LDLRAD4: variants seen among roughly 807,000 people sequenced by gnomAD.
The protein encoded by LDLRAD4 is low-density lipoprotein receptor class A domain-containing protein 4.
A neutral mutation model predicts 17.0 loss-of-function variants in LDLRAD4; 5 were observed. The observed-to-expected ratio is 0.29, with a 90% CI of 0.15 to 0.62. The LOEUF (loss-of-function observed/expected upper bound fraction) is 0.62, where lower values mean the gene tolerates loss of function less well. Ranked by LOEUF, LDLRAD4 falls within the 20% of genes least tolerant of loss-of-function variation. The probability of loss-of-function intolerance (pLI) is 0.84; values close to 1 mark genes in which losing one functional copy is unlikely to be tolerated. For synonymous variants in LDLRAD4, 168 were observed against 171.8 expected, an observed-to-expected ratio of 0.98 and a Z score of 0.17; for missense variants, 340 against 424.7, an observed-to-expected ratio of 0.80 and a Z score of 1.75.
Position 13,621,040 on chromosome 18 carries a change from G to T in LDLRAD4, c.182-77G>T, listed in dbSNP as rs557416853. The T allele has an allele frequency of 1.2e-6, 2 of 1,604,872 alleles. No homozygotes were observed. Among genetic ancestry groups the T allele is most frequent in the East Asian group, 4.5e-5 (2 of 44,798 alleles). On this transcript the variant is annotated intron_variant, in intron 3 of 5. Coordinates refer to ENST00000359446, the Ensembl canonical transcript of LDLRAD4. The surrounding 1 kb of genome is among the most constrained non-coding windows in gnomAD (Gnocchi z 5.5). Reference sequence around the variant, plus strand: ...GAGAGGCCTTCAGGGCCTGATGGCTGGGGTGGTGACAGTGCCTGGAGAATG... The same window carrying T: ...GAGAGGCCTTCAGGGCCTGATGGCTTGGGTGGTGACAGTGCCTGGAGAATG...
At chr18:13,355,522 G>A (rs998638575) in intron 1 of LDLRAD4, among the ~76,000 whole-genome samples, 5 of 152,142 alleles carry the variant, frequency 3.3e-5, no homozygotes, top group Non-Finnish European at 5.9e-5. Context: ...TTTCCAGAAG[G>A]GCAAATGCCT....
intron 4 of LDLRAD4, among the ~76,000 whole-genome samples, chr18:13,631,569 C>T (rs1255515863): frequency 2.0e-5 from 3 of 152,144 alleles, no homozygotes; most frequent in African/African-American, 7.2e-5. Flanking sequence ...ACTAATATTT[C>T]TTATAAATAT....
At chr18:13,314,867 A>G (rs1004553689) in intron 1 of LDLRAD4, among the ~76,000 whole-genome samples, 7 of 152,212 alleles carry the variant, frequency 4.6e-5, no homozygotes, top group African/African-American at 1.7e-4. Context: ...GTTAGCTCAG[A>G]GGCTATGAGA....
At chr18:13,526,427 G>A (rs1286478989) in intron 3 of LDLRAD4, 2 of 152,216 alleles carry the variant, frequency 1.3e-5, no homozygotes, top group African/African-American at 2.4e-5. Flanking sequence ...GGGAAATGAA[G>A]TTAGCTCCAA....
At chr18:13,496,353 A>G (rs1220427448) in intron 3 of LDLRAD4, among the ~76,000 whole-genome samples, 1 of 152,198 alleles carries the variant, frequency 6.6e-6, no homozygotes, top group African/African-American at 2.4e-5. Flanking sequence ...GGGGTGGATT[A>G]GATGACCCCA....
chr18:13,304,221 T>A (rs1343236932), intron 1 of LDLRAD4, among the ~76,000 whole-genome samples: 1 of 152,142 alleles, frequency 6.6e-6, no homozygotes, highest in East Asian at 1.9e-4. Context: ...CCTTAGATAT[T>A]CCTAGAGGTC....
chr18:13,633,757 C>T (rs1303827823), intron 4 of LDLRAD4, among the ~76,000 whole-genome samples: 1 of 152,188 alleles, frequency 6.6e-6, no homozygotes, highest in Non-Finnish European at 1.5e-5. Context: ...GGGCAGGGGA[C>T]TTCGCTAGGA....
chr18:13,308,316 C>G (rs1408734317), intron 1 of LDLRAD4, among the ~76,000 whole-genome samples: 5 of 152,172 alleles, frequency 3.3e-5, no homozygotes, highest in Non-Finnish European at 5.9e-5. Flanking sequence ...ATTGATGAAC[C>G]TTTGACTTAA....
In LDLRAD4 at chr18:13,621,985, C is replaced by T. The variant is rs567281240; in HGVS notation, c.336+714C>T. 6.6e-6 allele frequency among the ~76,000 whole-genome samples: 1 copy of T among 152,190 alleles called. No individual in the cohort carries two copies. The highest frequency in any genetic ancestry group is 2.4e-5 in the African/African-American group (1 of 41,460). ...TACAGGCTGTGGTTTTGATGGCTTC[C>T]AGCCAGAGGGTTAGGAGCGGTGAGT... On this transcript the variant is annotated intron_variant, in intron 4 of 5. Coordinates refer to ENST00000359446, the Ensembl canonical transcript of LDLRAD4. This position sits in a 1 kb window ranked among gnomAD's most constrained non-coding sequence, Gnocchi z 5.5.
chr18:13,627,947 C>T (rs2041320866), intron 4 of LDLRAD4, among the ~76,000 whole-genome samples: 2 of 152,186 alleles, frequency 1.3e-5, no homozygotes, highest in Non-Finnish European at 2.9e-5. Flanking sequence ...CCATATGTGA[C>T]GAGTGCCTTT....
chr18:13,324,245 C>T (rs1334137566), intron 1 of LDLRAD4, among the ~76,000 whole-genome samples: 2 of 151,298 alleles, frequency 1.3e-5, no homozygotes, highest in East Asian at 4.0e-4. Flanking sequence ...TCACACCATT[C>T]TCCTGCCTCA....
chr18:13,394,181 C>A (rs559143306), intron 2 of LDLRAD4, among the ~76,000 whole-genome samples: 2 of 152,322 alleles, frequency 1.3e-5, no homozygotes, highest in Admixed American at 1.3e-4. Context: ...CAGTTATAAA[C>A]CTAACCTTAA....
rs553191070 is a variant in LDLRAD4 at position 13,608,148 on chromosome 18, A to G, written c.182-12969A>G. Among the ~76,000 whole-genome samples the G allele has an allele frequency of 2.8e-3, 227 of 80,390 alleles. 1 individual carries two copies. Among genetic ancestry groups the G allele is most frequent in the African/African-American group, 8.7e-3 (221 of 25,310 alleles). 52.7% of individuals were successfully genotyped at this position (80,390 alleles called of 152,430 possible). On this transcript the variant is annotated intron_variant, in intron 3 of 5. Transcript: ENST00000359446. ...TCAAAAGAAGACATTTATGCAGCCA[A>G]CAAACATATGAAAAAAAAAAAAAGC...
exon 2 of LDLRAD4, chr18:13,387,499 C>T: frequency 2.1e-6 from 1 of 487,790 alleles, no homozygotes; most frequent in Admixed American, 4.0e-5. Flanking sequence ...CGCGCCCTGG[C>T]TGGACGGCTG....
chr18:13,257,973 C>T (rs1176450073), intron 1 of LDLRAD4, among the ~76,000 whole-genome samples: 1 of 152,156 alleles, frequency 6.6e-6, no homozygotes, highest in Admixed American at 6.5e-5. Flanking sequence ...GCAGAAGGAT[C>T]GCTTGAGCCG....
chr18:13,569,701 T>C (rs1268362494), intron 3 of LDLRAD4, among the ~76,000 whole-genome samples: 3 of 152,166 alleles, frequency 2.0e-5, no homozygotes, highest in Non-Finnish European at 2.9e-5. Flanking sequence ...CTGACCAACA[T>C]GGTGAAACCC....
intron 1 of LDLRAD4, among the ~76,000 whole-genome samples, chr18:13,340,138 A>G (rs1168883167): frequency 6.6e-6 from 1 of 152,180 alleles, no homozygotes; most frequent in Admixed American, 6.5e-5. Flanking sequence ...CACTGTATGT[A>G]TATGCCACAT....
rs946571773 is a variant in LDLRAD4 at position 13,622,132 on chromosome 18, C to T, written c.336+861C>T. On this transcript the variant is annotated intron_variant, in intron 4 of 5. Transcript: ENST00000359446. This position sits in a 1 kb window ranked among gnomAD's most constrained non-coding sequence, Gnocchi z 5.3. ...CTTACGGAGCATCCCTCTTCAGGAA[C>T]AGGGCTGTGCAGTTCCGGCTCCCAC... Among the ~76,000 whole-genome samples the T allele has an allele frequency of 4.6e-5, 7 of 152,168 alleles. No individual in the cohort carries two copies. Among genetic ancestry groups the T allele is most frequent in the Admixed American group, 3.9e-4 (6 of 15,288 alleles).
chr18:13,319,203 CTTTATGGTGCAG>C (rs1186928494), intron 1 of LDLRAD4, among the ~76,000 whole-genome samples: 5 of 152,182 alleles, frequency 3.3e-5, no homozygotes, highest in African/African-American at 9.7e-5. Flanking sequence ...CTCATGTGGA[CTTTATGGTGCAG>C]AAACACGAAT....
Sources: allele counts gnomAD v4.1 joint callset (sites outside exome capture counted in the v4.1 genomes callset), GRCh38; gene constraint gnomAD v4.1.1; non-coding constraint Gnocchi (gnomAD v3.1); transcripts MANE v1.5; gene names NCBI Gene and HGNC (gene_info 2026-07-23, HGNC 2026-07-21).